The following ACCSL variants were observed in gnomAD, a reference collection of about 807,000 sequenced individuals.
The protein encoded by ACCSL is probable inactive 1-aminocyclopropane-1-carboxylate synthase-like protein 2.
Under a neutral mutation model 61.7 loss-of-function variants are expected in ACCSL, and 55 were observed. The ratio of observed to expected loss-of-function variants is 0.89; its 90% CI spans 0.72 to 1.12. The LOEUF is 1.12. ACCSL is among the 50% of genes most tolerant of loss of function. The probability of loss-of-function intolerance (pLI) is 0.00; values close to 1 mark genes in which losing one functional copy is unlikely to be tolerated. For missense variants in ACCSL, 632 were observed against 698.0 expected, an observed-to-expected ratio of 0.91 and a Z score of 1.07; for synonymous variants, 258 against 264.3, an observed-to-expected ratio of 0.98 and a Z score of 0.23.
chr11:43,925,478 G>A, the ACCSL span: 5 of 455,906 alleles, frequency 1.1e-5, no homozygotes, highest in East Asian at 7.0e-5. Flanking sequence ...TTGAGGTAGC[G>A]TCGTCCTCCT....
the ACCSL span, chr11:43,942,342 C>A: frequency 4.8e-6 from 1 of 208,242 alleles, no homozygotes. Context: ...AGGGACAGTG[C>A]CCGCCCAGTC....
chr11:44,040,693 G>T, the ACCSL span, among the ~76,000 whole-genome samples: 1 of 152,176 alleles, frequency 6.6e-6, no homozygotes, highest in Non-Finnish European at 1.5e-5. Flanking sequence ...GGTAAGTGCT[G>T]GTGGCAGGGT....
the ACCSL span, among the ~76,000 whole-genome samples, chr11:44,035,238 C>T: frequency 2.4e-4 from 36 of 152,086 alleles, no homozygotes; most frequent in Admixed American, 8.5e-4. Context: ...TTTTCTGTCA[C>T]CTGCTTTAGG....
At chr11:43,935,423 G>T in the ACCSL span, among the ~76,000 whole-genome samples, 1 of 152,216 alleles carries the variant, frequency 6.6e-6, no homozygotes, top group East Asian at 1.9e-4. Context: ...ACCAATTTCA[G>T]AGGCAGGCAG....
chr11:43,985,834 C>T, the ACCSL span, among the ~76,000 whole-genome samples: 7 of 152,154 alleles, frequency 4.6e-5, no homozygotes, highest in African/African-American at 1.2e-4. Context: ...GTCAAGAGTT[C>T]GAGACCAGCC....
upstream of ACCSL, among the ~76,000 whole-genome samples, chr11:44,046,655 GT>G (rs376428267): frequency 3.3e-5 from 5 of 151,548 alleles, no homozygotes; most frequent in Admixed American, 6.6e-5. Context: ...AAGCAACGAG[GT>G]TTTTTTTTGT....
At chr11:43,974,815 A>G in the ACCSL span, among the ~76,000 whole-genome samples, 1 of 152,202 alleles carries the variant, frequency 6.6e-6, no homozygotes, top group Non-Finnish European at 1.5e-5. Context: ...ACCCCAGACA[A>G]GCCTTTGGTT....
the ACCSL span, among the ~76,000 whole-genome samples, chr11:44,019,144 T>C: frequency 2.6e-5 from 4 of 152,238 alleles, no homozygotes; most frequent in Non-Finnish European, 4.4e-5. Context: ...CATTTTCCAT[T>C]GTATGGATAT....
chr11:43,971,007 T>C, the ACCSL span, among the ~76,000 whole-genome samples: 1 of 152,128 alleles, frequency 6.6e-6, no homozygotes, highest in Non-Finnish European at 1.5e-5. Flanking sequence ...CTGTAGGAAG[T>C]AGATGAGCTA....
chr11:44,002,215 G>A, the ACCSL span, among the ~76,000 whole-genome samples: 1 of 152,126 alleles, frequency 6.6e-6, no homozygotes, highest in Non-Finnish European at 1.5e-5. Context: ...TTCTGGTGGG[G>A]GACAGGAGAA....
chr11:43,970,007 T>C, the ACCSL span, among the ~76,000 whole-genome samples: 1 of 151,956 alleles, frequency 6.6e-6, no homozygotes, highest in Non-Finnish European at 1.5e-5. Flanking sequence ...CTTGGTAGCT[T>C]TTAATTTTTA....
the ACCSL span, among the ~76,000 whole-genome samples, chr11:43,986,763 G>A: frequency 6.6e-6 from 1 of 152,124 alleles, no homozygotes; most frequent in African/African-American, 2.4e-5. Flanking sequence ...TTGTCAACTG[G>A]GATAATCCTT....
At chr11:43,938,750 C>T in the ACCSL span, among the ~76,000 whole-genome samples, 10 of 152,064 alleles carry the variant, frequency 6.6e-5, no homozygotes, top group African/African-American at 1.9e-4. Context: ...TGCAGTGAAC[C>T]GAGATTGCAC....
chr11:44,002,503 C>G, the ACCSL span, among the ~76,000 whole-genome samples: 1 of 152,194 alleles, frequency 6.6e-6, no homozygotes, highest in African/African-American at 2.4e-5. Context: ...CGTCTTGACA[C>G]AGGATGGCCA....
the ACCSL span, among the ~76,000 whole-genome samples, chr11:44,041,893 A>G: frequency 6.6e-6 from 1 of 152,228 alleles, no homozygotes; most frequent in African/African-American, 2.4e-5. Flanking sequence ...TTGTCTAAAT[A>G]AAGAATGGGT....
chr11:43,989,323 G>T, the ACCSL span, among the ~76,000 whole-genome samples: 1 of 152,222 alleles, frequency 6.6e-6, no homozygotes, highest in Admixed American at 6.5e-5. Flanking sequence ...GGAAGGTCTG[G>T]GTGAGAGGTG....
At chr11:43,950,645 G>A in the ACCSL span, among the ~76,000 whole-genome samples, 1 of 152,186 alleles carries the variant, frequency 6.6e-6, no homozygotes, top group Non-Finnish European at 1.5e-5. Flanking sequence ...TTCCCACAAG[G>A]GGGCACAGGG....
At chr11:44,007,611 A>G in the ACCSL span, among the ~76,000 whole-genome samples, 6 of 152,160 alleles carry the variant, frequency 3.9e-5, no homozygotes, top group African/African-American at 1.4e-4. Context: ...ACCTAAGTAT[A>G]GCAGGAAAGG....
the ACCSL span, among the ~76,000 whole-genome samples, chr11:43,940,299 A>C: frequency 6.6e-6 from 1 of 151,590 alleles, no homozygotes; most frequent in East Asian, 2.0e-4. Context: ...AGTTTTGAAA[A>C]ACATAAATTG....
Sources: gnomAD v4.1 joint callset for allele counts (sites outside exome capture counted in the v4.1 genomes callset) on GRCh38, gnomAD v4.1.1 for gene constraint, MANE v1.5 for transcripts, NCBI Gene and HGNC (gene_info 2026-07-23, HGNC 2026-07-21) for gene names.